Variants in KLHL2 observed in about 807,000 individuals in gnomAD.
KLHL2 encodes the protein kelch-like protein 2.
A neutral mutation model predicts 75.8 loss-of-function variants in KLHL2; 15 were observed. The observed-to-expected ratio is 0.20, with a 90% CI of 0.13 to 0.30. KLHL2 has a LOEUF of 0.30. Ranked by LOEUF, KLHL2 falls within the 10% of genes least tolerant of loss-of-function variation. KLHL2 has a pLI of 1.00. For synonymous variants in KLHL2, 214 were observed against 251.9 expected, an observed-to-expected ratio of 0.85 and a Z score of 1.42; for missense variants, 381 against 741.0, an observed-to-expected ratio of 0.51 and a Z score of 5.64.
At chr4:165,306,677 G>A (rs976190013) in intron 9 of KLHL2, among the ~76,000 whole-genome samples, 6 of 151,766 alleles carry the variant, frequency 4.0e-5, no homozygotes, top group Admixed American at 1.3e-4. Flanking sequence ...TTGTACTTAT[G>A]TAATTATGAG....
intron 11 of KLHL2, 92 bp downstream of exon 11, chr4:165,311,657 C>A: frequency 2.5e-6 from 2 of 801,704 alleles, no homozygotes; most frequent in Non-Finnish European, 4.1e-6. Context: ...TCTGAATGGG[C>A]AAGCTAATTA....
chr4:165,226,717 A>G lies in KLHL2; in HGVS notation c.153-2090A>G, dbSNP rs116271773. Among the ~76,000 whole-genome samples the G allele has an allele frequency of 7.6e-3, 1,157 of 152,168 alleles. 18 individuals are homozygous for G. Among genetic ancestry groups the G allele is most frequent in the African/African-American group, 0.026 (1,091 of 41,536 alleles). On this transcript the variant is annotated intron_variant, in intron 2 of 14. Coordinates refer to ENST00000226725, the MANE Select transcript of KLHL2 (RefSeq NM_007246.4). ...AACTTAAAAATACTTTCTAGTATAT[A>G]TTATGTCAAAAAATAAATTATTTAT...
chr4:165,311,573 T>C lies in KLHL2; in HGVS notation c.1339+8T>C. The C allele has an allele frequency of 6.3e-7, 1 of 1,591,816 alleles. No individual in the cohort carries two copies. The highest frequency in any genetic ancestry group is 8.6e-7 in the Non-Finnish European group (1 of 1,161,082). On this transcript the variant is annotated splice_region_variant and intron_variant, in intron 11 of 14. Coordinates refer to ENST00000226725, the MANE Select transcript of KLHL2 (RefSeq NM_007246.4). ...GTGTGGGTGTTGTTGGAGGTAGGTG[T>C]TGACAGTTCTTTCAGGTACATGTGG...
rs558319536 is a variant in KLHL2, at chr4:165,249,104, C to G, written c.381+10205C>G. ...TTCTATGCTGGCTCATGGTGCAATT[C>G]CTGGAACAGGGCACAGAGATTCAGA... On this transcript the variant is annotated intron_variant, in intron 4 of 14. Coordinates refer to ENST00000226725, the MANE Select transcript of KLHL2 (RefSeq NM_007246.4). Among the ~76,000 whole-genome samples the G allele has an allele frequency of 3.9e-5, 6 of 152,234 alleles. No homozygotes were observed. The East Asian group carries it at 9.7e-4, about 25-fold the overall frequency.
intron 3 of KLHL2, among the ~76,000 whole-genome samples, chr4:165,238,299 CTG>C (rs761649705): frequency 2.1e-4 from 32 of 152,318 alleles, no homozygotes; most frequent in Non-Finnish European, 3.1e-4. Context: ...GGTGGAGCCT[CTG>C]TGTCTGGTGC....
chr4:165,264,048 C>T (rs1467157831), intron 5 of KLHL2, among the ~76,000 whole-genome samples: 1 of 151,952 alleles, frequency 6.6e-6, no homozygotes, highest in Non-Finnish European at 1.5e-5. Flanking sequence ...GCCCTTCAGA[C>T]CCCTCATCTC....
chr4:165,302,965 C>T (rs1745448634), intron 8 of KLHL2, among the ~76,000 whole-genome samples: 1 of 152,076 alleles, frequency 6.6e-6, no homozygotes, highest in Non-Finnish European at 1.5e-5. Flanking sequence ...TCTCAAATAC[C>T]TGTGTCTTTT....
At chr4:165,304,204 A>G (rs1331962943) in intron 8 of KLHL2, among the ~76,000 whole-genome samples, 1 of 152,188 alleles carries the variant, frequency 6.6e-6, no homozygotes, top group African/African-American at 2.4e-5. Flanking sequence ...GGCCTGAAAA[A>G]AATTATGTAG....
intron 5 of KLHL2, among the ~76,000 whole-genome samples, chr4:165,293,228 C>G (rs1455568739): frequency 1.3e-5 from 2 of 152,102 alleles, no homozygotes; most frequent in African/African-American, 4.8e-5. Context: ...TCTTTTCCCC[C>G]CTTGGATGGA....
chr4:165,208,716 G>T (rs905795728), intron 1 of KLHL2, among the ~76,000 whole-genome samples: 2 of 152,072 alleles, frequency 1.3e-5, no homozygotes, highest in African/African-American at 4.8e-5. Flanking sequence ...AAATACCCAG[G>T]AGTTTCGAAA....
chr4:165,310,570 G>A lies in KLHL2; in HGVS notation c.1057G>A (p.Gly353Arg), dbSNP rs1311328378. 1 of 1,613,816 alleles carries A rather than the reference G, an allele frequency of 6.2e-7. No individual in the cohort carries two copies. The highest frequency in any genetic ancestry group is 8.5e-7 in the Non-Finnish European group (1 of 1,179,852). ...TTTTGCAGGCATGGTCTACATGGCT[G>A]GACTTGTTTTTGCTGTTGGTGGCTT... ...RCRAGMVYMA[G>R]LVFAVGGFNG... is the part of the protein sequence containing the mutation. Residue 353 changes from glycine (G) to arginine (R), a missense_variant, in exon 10 of 15, where the codon GGA (glycine) becomes AGA (arginine). Transcript: ENST00000226725.
chr4:165,221,187 C>A (rs1737958844), intron 2 of KLHL2, among the ~76,000 whole-genome samples: 1 of 152,198 alleles, frequency 6.6e-6, no homozygotes, highest in Non-Finnish European at 1.5e-5. Flanking sequence ...ATGGTTGCCA[C>A]CCTTGTGGGC....
chr4:165,289,185 G>GAAAT (rs1246632728), intron 5 of KLHL2, among the ~76,000 whole-genome samples: 1 of 152,094 alleles, frequency 6.6e-6, no homozygotes, highest in African/African-American at 2.4e-5. Context: ...AACACTTGAA[G>GAAAT]AAATATACAG....
chr4:165,241,238 A>C (rs1361186437), intron 4 of KLHL2, among the ~76,000 whole-genome samples: 2 of 152,242 alleles, frequency 1.3e-5, no homozygotes, highest in Non-Finnish European at 2.9e-5. Flanking sequence ...GAAATAAATT[A>C]GATTAAAAGT....
chr4:165,298,612 T>G (rs1225799613), intron 7 of KLHL2, among the ~76,000 whole-genome samples: 2 of 152,158 alleles, frequency 1.3e-5, no homozygotes, highest in Non-Finnish European at 2.9e-5. Flanking sequence ...CTTTTTGTGA[T>G]CTGTGTAATC....
chr4:165,266,171 G>GT (rs1262543206), intron 5 of KLHL2, among the ~76,000 whole-genome samples: 2 of 151,968 alleles, frequency 1.3e-5, no homozygotes, highest in African/African-American at 2.4e-5. Context: ...GGGGTTGTTT[G>GT]TTTTTTTCTT....
intron 5 of KLHL2, among the ~76,000 whole-genome samples, chr4:165,292,193 A>G (rs140901551): frequency 8.1e-4 from 123 of 152,216 alleles, no homozygotes; most frequent in Admixed American, 1.4e-3. Context: ...TCAATTTCAT[A>G]TTTATTTCAG....
chr4:165,262,120 C>G (rs1022703692), intron 4 of KLHL2, among the ~76,000 whole-genome samples: 17 of 151,956 alleles, frequency 1.1e-4, no homozygotes, highest in African/African-American at 3.6e-4. Context: ...AAATGTTTTT[C>G]TATTATTGAC....
intron 14 of KLHL2, among the ~76,000 whole-genome samples, chr4:165,321,754 T>G (rs1747000004): frequency 6.6e-6 from 1 of 152,218 alleles, no homozygotes; most frequent in Non-Finnish European, 1.5e-5. Flanking sequence ...AAAGTTTCTG[T>G]GTTCCCTTTT....
Sources: allele counts gnomAD v4.1 joint callset (sites outside exome capture counted in the v4.1 genomes callset), GRCh38; gene constraint gnomAD v4.1.1; transcripts MANE v1.5; gene names NCBI Gene and HGNC (gene_info 2026-07-23, HGNC 2026-07-21).